MYO18B: variants seen among roughly 807,000 people sequenced by gnomAD.
MYO18B encodes the protein unconventional myosin-XVIIIb.
A neutral mutation model predicts 273.0 loss-of-function variants in MYO18B; 204 were observed. The ratio of observed to expected loss-of-function variants is 0.75; its 90% confidence interval spans 0.67 to 0.84. MYO18B has a LOEUF of 0.84. Among genes scored for constraint, MYO18B ranks in the 40% least tolerant of loss-of-function variants. The pLI, the probability that MYO18B is intolerant of heterozygous loss-of-function variation, is 0.00. For synonymous variants in MYO18B, 1,330 were observed against 1,305.7 expected, an observed-to-expected ratio of 1.02 and a Z score of -0.40; for missense variants, 3,212 against 3,287.6, an observed-to-expected ratio of 0.98 and a Z score of 0.56.
intron 22 of MYO18B, among the ~76,000 whole-genome samples, chr22:25,869,018 C>A (rs988800711): frequency 1.3e-5 from 2 of 152,266 alleles, no homozygotes; most frequent in African/African-American, 4.8e-5. Context: ...GAACCCCCAG[C>A]CTTTTGTTTG....
chr22:25,958,223 C>A (rs1569236671), intron 39 of MYO18B, among the ~76,000 whole-genome samples: 1 of 152,104 alleles, frequency 6.6e-6, no homozygotes, highest in Non-Finnish European at 1.5e-5. Flanking sequence ...GCCTACAAAC[C>A]CTTTTTCTAA....
At chr22:25,847,786 G>A in intron 20 of MYO18B, 134 bp downstream of exon 20, 1 of 664,612 alleles carries the variant, frequency 1.5e-6, no homozygotes, top group African/African-American at 1.8e-5. Flanking sequence ...ACTCTTCCCA[G>A]CAGTCTTCTG....
intron 1 of MYO18B, among the ~76,000 whole-genome samples, chr22:25,760,599 T>A (rs2086281575): frequency 6.6e-6 from 1 of 152,182 alleles, no homozygotes; most frequent in African/African-American, 2.4e-5. Context: ...ATGGCTCCTC[T>A]GACTTCCTTT....
chr22:25,794,705 C>T (rs2087831116), intron 11 of MYO18B, among the ~76,000 whole-genome samples: 1 of 150,476 alleles, frequency 6.6e-6, no homozygotes, highest in Non-Finnish European at 1.5e-5. Context: ...GGGGTTTCAC[C>T]GTGTTAGCCA....
chr22:25,898,498 G>T, intron 29 of MYO18B, 37 bp downstream of exon 29: 1 of 1,605,400 alleles, frequency 6.2e-7, no homozygotes. Flanking sequence ...GGGCTGCCAG[G>T]GTGGGCTACA....
At chr22:25,976,379 C>T (rs1262522565) in intron 39 of MYO18B, among the ~76,000 whole-genome samples, 1 of 152,050 alleles carries the variant, frequency 6.6e-6, no homozygotes, top group East Asian at 1.9e-4. Flanking sequence ...AAAAAATGGC[C>T]ATGAATAAAT....
chr22:25,926,206 A>G (rs943438863), intron 34 of MYO18B, among the ~76,000 whole-genome samples: 8 of 152,056 alleles, frequency 5.3e-5, no homozygotes, highest in East Asian at 1.9e-4. Context: ...CTGCGTCTCA[A>G]AAAGAAAAGA....
chr22:25,950,435 C>T lies in MYO18B; in HGVS notation c.5817C>T (p.His1939=), dbSNP rs2092777348. ...LQLEEAKKEK[H]KLQEQLQVAQ... ...TGGAGGAAGCCAAGAAGGAGAAGCA[C>T]AAGCTACAAGAACAAGTATGTGCTC... The change falls in exon 37 of 44, where the codon CAC becomes CAT. Residue 1939 remains histidine (H), a synonymous_variant. Coordinates refer to ENST00000335473, the MANE Select transcript of MYO18B (RefSeq NM_032608.7). 6.2e-7 allele frequency: 1 copy of T among 1,604,716 alleles called. No individual in the cohort carries two copies. The highest frequency in any genetic ancestry group is 1.3e-5 in the African/African-American group (1 of 74,258).
intron 42 of MYO18B, among the ~76,000 whole-genome samples, chr22:26,025,035 T>C (rs1173474507): frequency 2.0e-5 from 3 of 152,134 alleles, no homozygotes; most frequent in Non-Finnish European, 4.4e-5. Context: ...ACTAATCTCA[T>C]TTACAAGGGC....
Position 25,797,966 on chromosome 22 carries a change from A to T in MYO18B, c.2390A>T (p.Gln797Leu), listed in dbSNP as rs1454004815. 6.2e-7 allele frequency: 1 copy of T among 1,614,062 alleles called. No homozygotes were observed. ...CTTTGCCCGCAGCCTGAAGATAAAC[A>T]GAAGGCGGCAGCTGCCTTTGCCCAG... ...MGVWSKPEDK[Q>L]KAAAAFAQLQ... Residue 797 changes from glutamine (Q) to leucine (L), a missense_variant, in exon 12 of 44, where the codon CAG becomes CTG. Transcript: ENST00000335473.
chr22:26,021,729 C>T (rs902591868), intron 42 of MYO18B, among the ~76,000 whole-genome samples: 3 of 152,202 alleles, frequency 2.0e-5, no homozygotes, highest in Non-Finnish European at 4.4e-5. Context: ...TGAAACCAGA[C>T]TTGGTTGCCA....
chr22:25,936,516 T>C (rs34476419), intron 34 of MYO18B, among the ~76,000 whole-genome samples: 43,975 of 152,112 alleles, frequency 0.29, 6,662 homozygotes, highest in Middle Eastern at 0.4. Flanking sequence ...CTGTGTGACA[T>C]TGATGAGTTA....
intron 38 of MYO18B, among the ~76,000 whole-genome samples, chr22:25,954,775 G>A (rs1190612526): frequency 1.3e-5 from 2 of 152,154 alleles, no homozygotes; most frequent in African/African-American, 4.8e-5. Flanking sequence ...GCAGTGGCGT[G>A]ATCTTGGCTC....
intron 12 of MYO18B, among the ~76,000 whole-genome samples, chr22:25,822,720 G>T (rs562058851): frequency 5.3e-4 from 81 of 152,354 alleles, no homozygotes; most frequent in African/African-American, 1.9e-3. Context: ...CGTCTTAAGA[G>T]CCGAACTCCC....
intron 12 of MYO18B, among the ~76,000 whole-genome samples, chr22:25,804,653 G>A (rs1449497644): frequency 6.6e-6 from 1 of 152,256 alleles, no homozygotes; most frequent in Non-Finnish European, 1.5e-5. Flanking sequence ...GTGGAAGGTA[G>A]CTTTTGGCAC....
intron 1 of MYO18B, among the ~76,000 whole-genome samples, chr22:25,745,915 C>G (rs563266018): frequency 6.6e-6 from 1 of 152,246 alleles, no homozygotes; most frequent in South Asian, 2.1e-4. Context: ...GATTAAATGT[C>G]TCATTCACGC....
intron 39 of MYO18B, among the ~76,000 whole-genome samples, chr22:25,975,097 C>G (rs1177461480): frequency 6.6e-6 from 1 of 152,160 alleles, no homozygotes; most frequent in Non-Finnish European, 1.5e-5. Flanking sequence ...GAAGGCAGAA[C>G]TGATGGACCT....
chr22:25,824,052 T>C (rs1446052992), intron 13 of MYO18B, among the ~76,000 whole-genome samples: 1 of 152,112 alleles, frequency 6.6e-6, no homozygotes. Context: ...GAGTGGCTGC[T>C]GCGAGGTGGA....
At chr22:25,756,821 G>A (rs2086137748) in intron 1 of MYO18B, among the ~76,000 whole-genome samples, 1 of 152,232 alleles carries the variant, frequency 6.6e-6, no homozygotes, top group African/African-American at 2.4e-5. Flanking sequence ...AGCACTTTGG[G>A]AGGCCGAGGC....
Sources: allele counts gnomAD v4.1 joint callset (sites outside exome capture counted in the v4.1 genomes callset), GRCh38; gene constraint gnomAD v4.1.1; transcripts MANE v1.5; gene names NCBI Gene and HGNC (gene_info 2026-07-23, HGNC 2026-07-21).